The following NTNG1 variants were observed in gnomAD, a reference collection of about 807,000 sequenced individuals.
NTNG1 encodes the protein netrin G1, also known as netrin-G1.
A neutral mutation model predicts 54.0 loss-of-function variants in NTNG1; 16 were observed. That is an observed-to-expected ratio of 0.30 (90% CI 0.20 to 0.45). The LOEUF (loss-of-function observed/expected upper bound fraction) is 0.45. NTNG1 is among the 20% of genes least tolerant of loss of function. The pLI is 1.00. For missense variants in NTNG1, 530 were observed against 678.7 expected (o/e 0.78, Z 2.43); for synonymous variants, 255 against 263.1 (o/e 0.97, Z 0.30).
intron 2 of NTNG1, among the ~76,000 whole-genome samples, chr1:107,304,929 C>G (rs1032234660): frequency 6.6e-6 from 1 of 152,132 alleles, no homozygotes; most frequent in Non-Finnish European, 1.5e-5. Flanking sequence ...ATATTCCCCT[C>G]CCTGTGTCCA....
chr1:107,427,091 G>T (rs552533685), intron 5 of NTNG1, among the ~76,000 whole-genome samples: 26 of 152,114 alleles, frequency 1.7e-4, no homozygotes, highest in Admixed American at 1.3e-4. Context: ...AGGATCTTTT[G>T]GCTTTTCTAG....
chr1:107,261,914 C>T (rs1429370871), intron 2 of NTNG1, among the ~76,000 whole-genome samples: 3 of 152,144 alleles, frequency 2.0e-5, no homozygotes, highest in Non-Finnish European at 1.5e-5. Context: ...TCCACATTCT[C>T]ATATGTAAGG....
rs1571059077 is a variant in NTNG1, at chr1:107,480,795, G to T, written c.1575G>T (p.Leu525=). The stretch of plus-strand genomic sequence containing the variant: ...CCCCGCACGGCTCCCCAGCGCTGCT[G>T]CTGCTGACCACGCTGCTGGGAACCG... ...GAPPHGSPAL[L]LLTTLLGTAS... The change falls in exon 8 of 8, where the codon CTG becomes CTT. Residue 525 remains leucine, a synonymous_variant. Coordinates refer to ENST00000370068, the MANE Select transcript of NTNG1 (RefSeq NM_001113226.3). 4 of 1,591,766 alleles carry T rather than the reference G, an allele frequency of 2.5e-6. No homozygotes were observed. Among genetic ancestry groups the T allele is most frequent in the African/African-American group, 1.3e-5 (1 of 74,776 alleles).
Position 107,329,326 on chromosome 1 carries a change from C to T in NTNG1, c.887+4404C>T, listed in dbSNP as rs552269232. 5.9e-5 allele frequency among the ~76,000 whole-genome samples: 9 copies of T among 152,268 alleles called. No homozygotes were observed. The East Asian group carries it at 7.7e-4, about 13-fold the overall frequency. ...TGCCAGGAGTGAGGCAGGCCCCCTA[C>T]GTCACTCTCAGGAGTCCAGCTTCTA... is the stretch of plus-strand genomic sequence containing the variant. On this transcript the variant is annotated intron_variant, in intron 3 of 7. Transcript: ENST00000370068.
At chr1:107,303,843 C>T (rs1212351216) in intron 2 of NTNG1, among the ~76,000 whole-genome samples, 1 of 152,100 alleles carries the variant, frequency 6.6e-6, no homozygotes, top group Non-Finnish European at 1.5e-5. Context: ...CACGCCACCA[C>T]ACCTGGCTAA....
chr1:107,191,403 T>C (rs1657919780), intron 2 of NTNG1, among the ~76,000 whole-genome samples: 1 of 152,136 alleles, frequency 6.6e-6, no homozygotes, highest in Admixed American at 6.5e-5. Context: ...TGGTAGTTTC[T>C]TTTGCTGTGC....
intron 2 of NTNG1, among the ~76,000 whole-genome samples, chr1:107,169,751 A>T (rs2101085480): frequency 6.6e-6 from 1 of 152,352 alleles, no homozygotes; most frequent in Non-Finnish European, 1.5e-5. Flanking sequence ...AGTCAGGGTT[A>T]GTCATTCATT....
At chr1:107,254,609 TC>T (rs1441623301) in intron 2 of NTNG1, among the ~76,000 whole-genome samples, 1 of 152,206 alleles carries the variant, frequency 6.6e-6, no homozygotes, top group Non-Finnish European at 1.5e-5. Flanking sequence ...TCTACTGTGT[TC>T]AAGGGGTGAC....
intron 2 of NTNG1, among the ~76,000 whole-genome samples, chr1:107,150,950 G>C (rs1178623309): frequency 6.6e-6 from 1 of 152,160 alleles, no homozygotes; most frequent in Non-Finnish European, 1.5e-5. Context: ...GCAGTAATGT[G>C]TATACTATGT....
At chr1:107,231,846 C>T (rs1015805308) in intron 2 of NTNG1, among the ~76,000 whole-genome samples, 6 of 151,824 alleles carry the variant, frequency 4.0e-5, no homozygotes, top group African/African-American at 1.4e-4. Flanking sequence ...TAACATATGG[C>T]TACAATAGAA....
At chr1:107,246,130 C>A (rs1158895389) in intron 2 of NTNG1, among the ~76,000 whole-genome samples, 1 of 152,174 alleles carries the variant, frequency 6.6e-6, no homozygotes, top group Admixed American at 6.5e-5. Context: ...CCGCTCACTG[C>A]AAGCTCCGCC....
At chr1:107,273,761 A>G (rs904840685) in intron 2 of NTNG1, among the ~76,000 whole-genome samples, 6 of 152,200 alleles carry the variant, frequency 3.9e-5, no homozygotes, top group Non-Finnish European at 1.5e-5. Flanking sequence ...TGTCGAGTAC[A>G]TATCAGTCAC....
intron 2 of NTNG1, among the ~76,000 whole-genome samples, chr1:107,286,067 T>A (rs1452981229): frequency 6.6e-6 from 1 of 152,196 alleles, no homozygotes. Flanking sequence ...AGATGTTTGC[T>A]ACAAATTCCC....
chr1:107,373,354 C>A (rs929756348), intron 3 of NTNG1, among the ~76,000 whole-genome samples: 6 of 152,008 alleles, frequency 3.9e-5, no homozygotes, highest in African/African-American at 1.4e-4. Flanking sequence ...AACAACCTTA[C>A]AATAGTACTT....
At chr1:107,326,645 C>G (rs1372671497) in intron 3 of NTNG1, among the ~76,000 whole-genome samples, 1 of 152,036 alleles carries the variant, frequency 6.6e-6, no homozygotes, top group Non-Finnish European at 1.5e-5. Flanking sequence ...GTGTAATCTA[C>G]ATTGCTCGGT....
At chr1:107,231,825 T>G (rs1661088622) in intron 2 of NTNG1, among the ~76,000 whole-genome samples, 1 of 152,150 alleles carries the variant, frequency 6.6e-6, no homozygotes, top group Admixed American at 6.6e-5. Flanking sequence ...CCAACGAGAA[T>G]GAAATGAAAT....
At chr1:107,389,613 T>C (rs575463847) in intron 3 of NTNG1, among the ~76,000 whole-genome samples, 1 of 152,190 alleles carries the variant, frequency 6.6e-6, no homozygotes, top group Non-Finnish European at 1.5e-5. Flanking sequence ...CATCACAGAC[T>C]AGAGCTCACT....
intron 2 of NTNG1, among the ~76,000 whole-genome samples, chr1:107,244,416 G>T (rs1019188987): frequency 6.6e-6 from 1 of 152,096 alleles, no homozygotes; most frequent in Non-Finnish European, 1.5e-5. Context: ...GCCACGTGAG[G>T]TATCCTGTAT....
chr1:107,235,287 A>G (rs915549220), intron 2 of NTNG1, among the ~76,000 whole-genome samples: 2 of 151,858 alleles, frequency 1.3e-5, no homozygotes, highest in Admixed American at 1.3e-4. Flanking sequence ...CCATGGACCC[A>G]CTGGACTTTT....
Sources: allele counts gnomAD v4.1 joint callset (sites outside exome capture counted in the v4.1 genomes callset), GRCh38; gene constraint gnomAD v4.1.1; transcripts MANE v1.5; gene names NCBI Gene and HGNC (gene_info 2026-07-23, HGNC 2026-07-21).